Variants in KDM1B observed in about 807,000 individuals in gnomAD.
The protein encoded by KDM1B is lysine-specific histone demethylase 2.
In KDM1B, 63 loss-of-function variants were observed where a neutral mutation model predicts 107.4. That is an observed-to-expected ratio of 0.59 (90% confidence interval 0.48 to 0.72). KDM1B has a LOEUF of 0.72. Among genes scored for constraint, KDM1B ranks in the 30% least tolerant of loss-of-function variants. The probability of loss-of-function intolerance (pLI) is 0.00; values close to 1 mark genes in which losing one functional copy is unlikely to be tolerated. For missense variants in KDM1B, 749 were observed against 1,020.8 expected (o/e 0.73, Z 3.63); for synonymous variants, 363 against 363.9 (o/e 1.00, Z 0.03).
intron 17 of KDM1B, among the ~76,000 whole-genome samples, chr6:18,210,342 CTT>C (rs533016543): frequency 1.4e-5 from 1 of 69,988 alleles, no homozygotes; most frequent in Non-Finnish European, 2.9e-5. Flanking sequence ...TCTTTCTTTT[CTT>C]TTTTTTTTTT....
intron 2 of KDM1B, among the ~76,000 whole-genome samples, chr6:18,157,808 C>CTTT (rs67631382): frequency 0.026 from 2,943 of 114,970 alleles, 125 homozygotes; most frequent in African/African-American, 0.042. Context: ...GTAGATAGTC[C>CTTT]TTTTTTTTTT....
chr6:18,199,805 G>A (rs1413160180), intron 12 of KDM1B, among the ~76,000 whole-genome samples: 1 of 151,602 alleles, frequency 6.6e-6, no homozygotes. Context: ...ATCACCTAAA[G>A]AAGTTTTTAA....
intron 2 of KDM1B, among the ~76,000 whole-genome samples, chr6:18,157,883 G>C (rs1784729019): frequency 6.9e-6 from 1 of 144,244 alleles, no homozygotes. Context: ...TGTGATCTCG[G>C]CTCACTGCAA....
chr6:18,202,249 G>A (rs868734264), intron 14 of KDM1B, among the ~76,000 whole-genome samples: 1 of 151,078 alleles, frequency 6.6e-6, no homozygotes, highest in Admixed American at 6.6e-5. Context: ...AAAAAAGGGC[G>A]GGGGGCAAGC....
At chr6:18,208,960 G>A (rs1267802190) in intron 17 of KDM1B, among the ~76,000 whole-genome samples, 1 of 151,868 alleles carries the variant, frequency 6.6e-6, no homozygotes, top group African/African-American at 2.4e-5. Flanking sequence ...CGCCCAAATA[G>A]AAGTATATTA....
intron 21 of KDM1B, among the ~76,000 whole-genome samples, chr6:18,219,796 A>G (rs147570458): frequency 2.5e-4 from 38 of 152,222 alleles, no homozygotes; most frequent in African/African-American, 7.2e-4. Context: ...AAACATCACT[A>G]TCTGGGAACA....
In KDM1B at chr6:18,223,333, A is replaced by ACCGCCCG. The variant is rs1789921237; in HGVS notation, c.*1344_*1350dup. On this transcript the variant is annotated 3_prime_UTR_variant, in exon 22 of 22. Transcript: ENST00000650836. ...CTCAGGCATTTAAGACACCTCCCCC[A>ACCGCCCG]CCGCCCGCCCCCCGCCCCCCCCAAT... The ACCGCCCG allele has an allele frequency of 1.5e-5, 1 of 68,256 alleles. No individual in the cohort carries two copies. Among genetic ancestry groups the ACCGCCCG allele is most frequent in the Non-Finnish European group, 3.3e-5 (1 of 30,356 alleles). 4.2% of individuals were successfully genotyped at this position (68,256 alleles called of 1,614,324 possible).
rs533016543 is a variant in KDM1B at position 18,210,342 on chromosome 6, C to CTTTTTTTT, written c.1867-2123_1867-2116dup. On this transcript the variant is annotated intron_variant, in intron 17 of 21. Transcript: ENST00000650836. Reference sequence around the variant, plus strand: ...TCTTTCTTTTTTTTCTCTTTCTTTTCTTTTTTTTTTTTTTTTTTTTTTTTT... The same window carrying CTTTTTTTT: ...TCTTTCTTTTTTTTCTCTTTCTTTTCTTTTTTTTTTTTTTTTTTTTTTTTTTTTTTTTT... 6.1e-3 allele frequency among the ~76,000 whole-genome samples: 427 copies of CTTTTTTTT among 69,770 alleles called. 13 individuals carry two copies. The highest frequency in any genetic ancestry group is 9.4e-3 in the Middle Eastern group (1 of 106). 45.8% of individuals were successfully genotyped at this position (69,770 alleles called of 152,430 possible).
chr6:18,214,712 C>T lies in KDM1B; in HGVS notation c.2110-295C>T, dbSNP rs546781946. 3.9e-5 allele frequency among the ~76,000 whole-genome samples: 6 copies of T among 152,224 alleles called. No homozygotes were observed. Among genetic ancestry groups the T allele is most frequent in the African/African-American group, 1.2e-4 (5 of 41,532 alleles). Reference sequence around the variant, plus strand: ...ATCACCTGAGGTCAGGAGTTTGAGACCAGTCTGGCCAACATGGTGAAACCC... The same window carrying T: ...ATCACCTGAGGTCAGGAGTTTGAGATCAGTCTGGCCAACATGGTGAAACCC... On this transcript the variant is annotated intron_variant, in intron 19 of 21. Transcript: ENST00000650836. This position sits in a 1 kb window ranked among gnomAD's most constrained non-coding sequence, Gnocchi z 4.4.
At chr6:18,157,773 CCTT>C (rs1385079722) in intron 2 of KDM1B, among the ~76,000 whole-genome samples, 1 of 149,262 alleles carries the variant, frequency 6.7e-6, no homozygotes, top group Non-Finnish European at 1.5e-5. Context: ...GTCCAAAAAG[CCTT>C]CTTTGGGTAT....
chr6:18,200,482 G>A lies in KDM1B; in HGVS notation c.1265G>A (p.Trp422Ter). ...EAKDRIGGRV[W>*]DDKSFKGVTV... ...AAAGACAGAATTGGAGGCCGAGTCTGGGATGATAAATCTTTTAAAGGCGTC... is the reference window on the plus strand; with the variant it reads ...AAAGACAGAATTGGAGGCCGAGTCTAGGATGATAAATCTTTTAAAGGCGTC... Residue 422 changes from tryptophan (W) to a stop codon, truncating the protein, a stop_gained, in exon 13 of 22, where the codon TGG becomes TAG. Coordinates refer to ENST00000650836, the MANE Select transcript of KDM1B (RefSeq NM_001364614.2). LOFTEE classifies it high-confidence loss of function. This position sits in a 1 kb window ranked among gnomAD's most constrained non-coding sequence, Gnocchi z 4.3. The A allele has an allele frequency of 6.2e-7, 1 of 1,614,070 alleles. No individual in the cohort carries two copies. Among genetic ancestry groups the A allele is most frequent in the Non-Finnish European group, 8.5e-7 (1 of 1,179,988 alleles).
chr6:18,220,606 G>A (rs968443834), intron 21 of KDM1B, among the ~76,000 whole-genome samples: 18 of 152,172 alleles, frequency 1.2e-4, no homozygotes, highest in Non-Finnish European at 2.5e-4. Flanking sequence ...CTTGGCCTAT[G>A]AAGACCTTAC....
chr6:18,220,220 ATT>A (rs1302207166), intron 21 of KDM1B, among the ~76,000 whole-genome samples: 1 of 152,194 alleles, frequency 6.6e-6, no homozygotes, highest in Admixed American at 6.5e-5. Context: ...TACACGTCTC[ATT>A]GTTTCATCTA....
In KDM1B at chr6:18,208,219, G is replaced by A; in HGVS notation, c.1866+13G>A. The A allele has an allele frequency of 2.5e-6, 4 of 1,602,712 alleles. No individual in the cohort carries two copies. Among genetic ancestry groups the A allele is most frequent in the Non-Finnish European group, 3.4e-6 (4 of 1,170,820 alleles). The stretch of plus-strand genomic sequence containing the variant: ...TTCTGCACAAAAGGTAAGAGCTAGG[G>A]CAGTACAAGGGTGGGTAGAAACCTT... On this transcript the variant is annotated intron_variant, in intron 17 of 21. Coordinates refer to ENST00000650836, the MANE Select transcript of KDM1B (RefSeq NM_001364614.2).
Position 18,213,522 on chromosome 6 carries a change from A to G in KDM1B, c.1984-134A>G. 1 of 792,530 alleles carries G rather than the reference A, an allele frequency of 1.3e-6. No individual in the cohort carries two copies. The highest frequency in any genetic ancestry group is 2.1e-6 in the Non-Finnish European group (1 of 479,430). 49.1% of individuals were successfully genotyped at this position (792,530 alleles called of 1,614,324 possible). On this transcript the variant is annotated intron_variant, in intron 18 of 21. Transcript: ENST00000650836. The surrounding 1 kb of genome is among the most constrained non-coding windows in gnomAD (Gnocchi z 5.9). The stretch of plus-strand genomic sequence containing the variant: ...GGAAAAAAGGAGGTGAGGAGAATGG[A>G]AAGAGCGGTATTTGGGGTTGTTCTT...
At chr6:18,215,323 C>A (rs1296060299) in intron 20 of KDM1B, among the ~76,000 whole-genome samples, 194 bp downstream of exon 20, 2 of 152,216 alleles carry the variant, frequency 1.3e-5, no homozygotes, top group African/African-American at 4.8e-5. Context: ...CAGAGTACCG[C>A]AGACTGGCTG....
At chr6:18,193,895 CAG>C (rs1787464299) in intron 10 of KDM1B, among the ~76,000 whole-genome samples, 1 of 149,864 alleles carries the variant, frequency 6.7e-6, no homozygotes, top group African/African-American at 2.5e-5. Flanking sequence ...TTTTTTAAGA[CAG>C]AGTTTCACTC....
chr6:18,212,334 GGC>G lies in KDM1B; in HGVS notation c.1867-153_1867-152del. ...TGTGGTTGCCACTTCTGCTTAGCCA[GGC>G]ATTGGCACCCTTGTGCAGTGAGCAA... is the stretch of plus-strand genomic sequence containing the variant. On this transcript the variant is annotated intron_variant, in intron 17 of 21. Coordinates refer to ENST00000650836, the MANE Select transcript of KDM1B (RefSeq NM_001364614.2). This position sits in a 1 kb window ranked among gnomAD's most constrained non-coding sequence, Gnocchi z 5.2. 1.5e-6 allele frequency: 1 copy of G among 673,668 alleles called. No homozygotes were observed. The allele number at this position is 673,668 out of a possible 1,614,324, so 41.7% of individuals were successfully genotyped here. A position where few individuals can be genotyped will look rare whatever the true frequency, so the allele number is the denominator to read the frequency against.
In KDM1B at chr6:18,211,084, AT is replaced by A. The variant is rs527330784; in HGVS notation, c.1867-1396del. Among the ~76,000 whole-genome samples, 79 of 152,024 alleles carry A rather than the reference AT, an allele frequency of 5.2e-4. No homozygotes were observed. The highest frequency in any genetic ancestry group is 1.8e-3 in the African/African-American group (74 of 41,474). ...TTGGTTTTTTGTTGTGGTTTGCCTC[AT>A]TTTTTTTGGTTGCATGGTAATTATC... is the stretch of plus-strand genomic sequence containing the variant. On this transcript the variant is annotated intron_variant, in intron 17 of 21. Transcript: ENST00000650836. This position sits in a 1 kb window ranked among gnomAD's most constrained non-coding sequence, Gnocchi z 5.2.
Sources: gnomAD v4.1 joint callset for allele counts (sites outside exome capture counted in the v4.1 genomes callset) on GRCh38, gnomAD v4.1.1 for gene constraint, Gnocchi (gnomAD v3.1) non-coding constraint, MANE v1.5 for transcripts, NCBI Gene and HGNC (gene_info 2026-07-23, HGNC 2026-07-21) for gene names.